MAP4K4: variants seen among roughly 807,000 people sequenced by gnomAD.
MAP4K4 encodes the protein HPK/GCK-like kinase HGK.
A neutral mutation model predicts 189.6 loss-of-function variants in MAP4K4; 38 were observed. That is an observed-to-expected ratio of 0.20 (90% confidence interval 0.15 to 0.26). The LOEUF is 0.26. Among genes scored for constraint, MAP4K4 ranks in the 10% least tolerant of loss-of-function variants. The pLI, the probability that MAP4K4 is intolerant of heterozygous loss-of-function variation, is 1.00. For synonymous variants in MAP4K4, 610 were observed against 624.3 expected (o/e 0.98, Z 0.34); for missense variants, 1,054 against 1,726.9 (o/e 0.61, Z 6.91).
intron 2 of MAP4K4, among the ~76,000 whole-genome samples, chr2:101,729,768 C>A (rs950223779): frequency 3.9e-5 from 6 of 152,150 alleles, no homozygotes; most frequent in Admixed American, 6.5e-5. Context: ...CTTGATTTGG[C>A]ATTCCTTGTC....
chr2:101,823,801 GT>G (rs1401880496), intron 3 of MAP4K4, 126 bp from the exon 4 acceptor site: 1 of 717,920 alleles, frequency 1.4e-6, no homozygotes, highest in African/African-American at 1.8e-5. Flanking sequence ...TAAAGTGAAT[GT>G]ATATGTGCCT....
chr2:101,867,094 G>GT (rs2097840935), intron 19 of MAP4K4, 118 bp from the exon 20 acceptor site: 1 of 654,624 alleles, frequency 1.5e-6, no homozygotes, highest in South Asian at 1.9e-5. Flanking sequence ...AGACCTGCAG[G>GT]TGGAGAGCCT....
chr2:101,740,058 C>T (rs2061936799), intron 2 of MAP4K4, among the ~76,000 whole-genome samples: 1 of 152,042 alleles, frequency 6.6e-6, no homozygotes, highest in African/African-American at 2.4e-5. Flanking sequence ...CCCAGGGATG[C>T]AGATGTTGAG....
chr2:101,864,897 C>A, intron 17 of MAP4K4, 33 bp from the exon 18 acceptor site: 1 of 1,339,358 alleles, frequency 7.5e-7, no homozygotes, highest in Non-Finnish European at 1.0e-6. Flanking sequence ...TTCATGTTTT[C>A]AATAATTTAA....
At position 101,869,678 on chromosome 2, in the gene MAP4K4, C is replaced by G. The variant is rs190004512; in HGVS notation, c.2520C>G (p.His840Gln). ...CAGTGGAAGATGTACGGCCACCTCA[C>G]AAAGTAACGGACTACTCCTCATCCA... Residue 840 changes from histidine to glutamine, a missense_variant, in exon 22 of 33, where the codon CAC (histidine) becomes CAG (glutamine). This residue lies in a region of MAP4K4 where 646 missense variants were observed against 796.2 expected (regional missense o/e 0.81). Transcript: ENST00000324219. 8.1e-6 allele frequency: 13 copies of G among 1,608,600 alleles called. No individual in the cohort carries two copies. In the East Asian group the frequency reaches 2.7e-4, roughly 33 times the overall value.
At chr2:101,766,598 G>A (rs2150272877) in intron 2 of MAP4K4, among the ~76,000 whole-genome samples, 1 of 147,868 alleles carries the variant, frequency 6.8e-6, no homozygotes, top group Non-Finnish European at 1.5e-5. Flanking sequence ...CAGATTTAGA[G>A]CCTTTTGTCT....
chr2:101,730,060 G>A (rs1209071751), intron 2 of MAP4K4, among the ~76,000 whole-genome samples: 1 of 152,188 alleles, frequency 6.6e-6, no homozygotes, highest in Non-Finnish European at 1.5e-5. Context: ...TAGTCCAGGG[G>A]CCCTCTCCTT....
At chr2:101,887,373 C>T (rs1015926461) in intron 30 of MAP4K4, 136 bp downstream of exon 30, 29 of 841,652 alleles carry the variant, frequency 3.4e-5, no homozygotes, top group African/African-American at 7.1e-5. Flanking sequence ...TTAAATGATA[C>T]GCAATTTTCA....
intron 9 of MAP4K4, among the ~76,000 whole-genome samples, chr2:101,836,436 A>G (rs981964927): frequency 3.9e-5 from 6 of 152,210 alleles, no homozygotes; most frequent in East Asian, 3.9e-4. Context: ...AAACAACACA[A>G]AATTAGCCGG....
chr2:101,742,645 A>G (rs1273377486), intron 2 of MAP4K4, among the ~76,000 whole-genome samples: 1 of 152,166 alleles, frequency 6.6e-6, no homozygotes, highest in Non-Finnish European at 1.5e-5. Context: ...TTATGGAAAA[A>G]GTCCTCTCCC....
rs765667192 is a variant in MAP4K4, at chr2:101,867,324, G to C, written c.2454+15G>C. 6.3e-7 allele frequency: 1 copy of C among 1,583,546 alleles called. No homozygotes were observed. Among genetic ancestry groups the C allele is most frequent in the Non-Finnish European group, 8.6e-7 (1 of 1,160,212 alleles). ...TCAAGCCTGCTGTAAGGATTGTGCA[G>C]GATCAGTTTTACTTATTTCAGACTT... On this transcript the variant is annotated intron_variant, in intron 20 of 32. Coordinates refer to ENST00000324219, the Ensembl canonical transcript of MAP4K4.
chr2:101,709,413 G>A (rs1391755303), intron 2 of MAP4K4, among the ~76,000 whole-genome samples: 2 of 152,198 alleles, frequency 1.3e-5, no homozygotes, highest in African/African-American at 4.8e-5. Flanking sequence ...CTGTTGGCAA[G>A]GCTAGTCTCG....
At chr2:101,769,862 A>G (rs900571988) in intron 2 of MAP4K4, among the ~76,000 whole-genome samples, 3 of 152,080 alleles carry the variant, frequency 2.0e-5, no homozygotes, top group African/African-American at 7.2e-5. Flanking sequence ...GATTACAGGC[A>G]TGAGCCACTG....
At chr2:101,804,599 T>G (rs1265354365) in intron 3 of MAP4K4, among the ~76,000 whole-genome samples, 1 of 152,170 alleles carries the variant, frequency 6.6e-6, no homozygotes, top group Non-Finnish European at 1.5e-5. Flanking sequence ...TTTACCCGTG[T>G]TTCTTTTATG....
intron 2 of MAP4K4, among the ~76,000 whole-genome samples, chr2:101,737,818 C>G (rs1379770387): frequency 6.6e-6 from 1 of 152,044 alleles, no homozygotes; most frequent in Non-Finnish European, 1.5e-5. Flanking sequence ...TCTACTCTCT[C>G]CCCCCTCTTT....
At chr2:101,728,769 G>C (rs116315740) in intron 2 of MAP4K4, among the ~76,000 whole-genome samples, 3 of 152,092 alleles carry the variant, frequency 2.0e-5, no homozygotes, top group Non-Finnish European at 4.4e-5. Context: ...TCCACCCACC[G>C]CTGCTTCCCA....
chr2:101,794,806 AT>A (rs1247182671), intron 3 of MAP4K4, among the ~76,000 whole-genome samples: 1 of 139,798 alleles, frequency 7.2e-6, no homozygotes. Flanking sequence ...TCCTGCCTCC[AT>A]TTTTATTTTT....
At chr2:101,760,349 TGTG>T (rs2075699854) in intron 2 of MAP4K4, among the ~76,000 whole-genome samples, 1 of 151,502 alleles carries the variant, frequency 6.6e-6, no homozygotes, top group Non-Finnish European at 1.5e-5. Context: ...ATTAGCCAGA[TGTG>T]GTGGTGTGAG....
At chr2:101,785,718 CTCTCTCTCTCTCTCTCTCTCT>C in intron 2 of MAP4K4, among the ~76,000 whole-genome samples, 3 of 8,504 alleles carry the variant, frequency 3.5e-4, no homozygotes, top group Admixed American at 1.0e-3. Flanking sequence ...CTCTCTCTCT[CTCTCTCTCTCTCTCTCTCTCT>C]CTCTCTCTCT....
Sources: allele counts gnomAD v4.1 joint callset (sites outside exome capture counted in the v4.1 genomes callset), GRCh38; gene constraint gnomAD v4.1.1; regional missense constraint gnomAD v4.1.1; transcripts MANE v1.5; gene names NCBI Gene and HGNC (gene_info 2026-07-23, HGNC 2026-07-21).